The following DENND2B variants were observed in gnomAD, a reference collection of about 807,000 sequenced individuals.
DENND2B encodes the protein DENN domain-containing protein 2B.
Under a neutral mutation model 116.0 loss-of-function variants are expected in DENND2B, and 32 were observed. The observed-to-expected ratio is 0.28, with a 90% confidence interval of 0.21 to 0.37. DENND2B has a LOEUF of 0.37. DENND2B is among the 10% of genes least tolerant of loss of function. The pLI is 1.00. For synonymous variants in DENND2B, 588 were observed against 583.9 expected (o/e 1.01, Z -0.10); for missense variants, 1,276 against 1,477.7 (o/e 0.86, Z 2.24).
intron 2 of DENND2B, among the ~76,000 whole-genome samples, chr11:8,738,448 C>T (rs1427208246): frequency 2.0e-5 from 3 of 152,186 alleles, no homozygotes; most frequent in Non-Finnish European, 2.9e-5. Flanking sequence ...TCTAGAGAAA[C>T]TCATTCCAGA....
At chr11:8,733,653 G>C (rs2048478575) in intron 2 of DENND2B, among the ~76,000 whole-genome samples, 1 of 152,170 alleles carries the variant, frequency 6.6e-6, no homozygotes, top group African/African-American at 2.4e-5. Context: ...GCCCAGGAGA[G>C]AATTCACCAG....
At chr11:8,797,740 A>G (rs2059961189) in intron 1 of DENND2B, among the ~76,000 whole-genome samples, 1 of 151,904 alleles carries the variant, frequency 6.6e-6, no homozygotes, top group South Asian at 2.1e-4. Context: ...ATGAGCCACC[A>G]TGCCCAGCAC....
In DENND2B at chr11:8,740,504, T is replaced by A. The variant is rs374417704; in HGVS notation, c.81-9295A>T. ...CTTGGCATGCTCCAAGTTGCTCTGC[T>A]TTTTCTGGTTATAGGGCTACTACAA... On this transcript the variant is annotated intron_variant, in intron 2 of 19. Transcript: ENST00000313726. Among the ~76,000 whole-genome samples the A allele has an allele frequency of 3.9e-5, 6 of 152,252 alleles. No individual in the cohort carries two copies. In the South Asian group the frequency reaches 1.2e-3, roughly 32 times the overall value.
chr11:8,839,430 A>G (rs748585596), intron 3 of DENND2B: 5 of 152,128 alleles, frequency 3.3e-5, no homozygotes, highest in Non-Finnish European at 5.9e-5. Flanking sequence ...AAGGGCTTCA[A>G]ATAGGATCCC....
intron 1 of DENND2B, among the ~76,000 whole-genome samples, chr11:8,798,346 G>A (rs1320925648): frequency 1.3e-5 from 2 of 152,118 alleles, no homozygotes; most frequent in Admixed American, 6.5e-5. Flanking sequence ...TCACTCCTTC[G>A]CTTTCTCTAA....
intron 2 of DENND2B, among the ~76,000 whole-genome samples, chr11:8,869,487 C>T (rs533138749): frequency 6.6e-6 from 1 of 152,114 alleles, no homozygotes; most frequent in African/African-American, 2.4e-5. Flanking sequence ...ACATGGGGAA[C>T]CCCATCTCTA....
intron 5 of DENND2B, among the ~76,000 whole-genome samples, chr11:8,717,030 A>G (rs1164635703): frequency 6.6e-6 from 1 of 152,212 alleles, no homozygotes; most frequent in Non-Finnish European, 1.5e-5. Flanking sequence ...TATCTGGCCA[A>G]TGCTATATAA....
At chr11:8,761,006 C>T (rs1260167793) in intron 1 of DENND2B, among the ~76,000 whole-genome samples, 1 of 144,570 alleles carries the variant, frequency 6.9e-6, no homozygotes, top group East Asian at 2.0e-4. Flanking sequence ...TTCCCACATC[C>T]TCCTTCCCAA....
At chr11:8,767,544 C>T (rs1470052943) in intron 1 of DENND2B, among the ~76,000 whole-genome samples, 1 of 152,096 alleles carries the variant, frequency 6.6e-6, no homozygotes, top group African/African-American at 2.4e-5. Context: ...TCACAGTATT[C>T]CAGAACTTAA....
chr11:8,819,735 A>C (rs1479998704), intron 4 of DENND2B, among the ~76,000 whole-genome samples: 1 of 152,246 alleles, frequency 6.6e-6, no homozygotes, highest in Non-Finnish European at 1.5e-5. Flanking sequence ...CAGGGTCATG[A>C]AAGACAAGGA....
chr11:8,820,647 A>G (rs1031208582), intron 4 of DENND2B, among the ~76,000 whole-genome samples: 1 of 152,168 alleles, frequency 6.6e-6, no homozygotes, highest in Non-Finnish European at 1.5e-5. Flanking sequence ...AGGTTTCTCA[A>G]AACAACACTA....
At chr11:8,892,134 A>C (rs2134745025) in intron 1 of DENND2B, among the ~76,000 whole-genome samples, 1 of 152,314 alleles carries the variant, frequency 6.6e-6, no homozygotes, top group Non-Finnish European at 1.5e-5. Context: ...CCTGCTCCTG[A>C]AGGACTACTG....
rs748889142 is a variant in DENND2B, at chr11:8,697,591, G to C, written c.2986C>G (p.Leu996Val). The stretch of plus-strand genomic sequence containing the variant: ...TTCTTCCTCTCCAGAGCCTGCTCCA[G>C]AGCTGCCTGTAACTTCCTAGGTAAC... Reference protein sequence around the residue: ...TLLPRKLQAALEQALERKNEL... With the variant: ...TLLPRKLQAAVEQALERKNEL... Residue 996 changes from leucine (L) to valine (V), a missense_variant, in exon 17 of 20, where the codon CTG (leucine) becomes GTG (valine). Transcript: ENST00000313726. 1 of 1,614,234 alleles carries C rather than the reference G, an allele frequency of 6.2e-7. No homozygotes were observed. Among genetic ancestry groups the C allele is most frequent in the Non-Finnish European group, 8.5e-7 (1 of 1,180,018 alleles).
intron 2 of DENND2B, among the ~76,000 whole-genome samples, chr11:8,865,558 C>T (rs1368799079): frequency 6.6e-6 from 1 of 151,818 alleles, no homozygotes; most frequent in Non-Finnish European, 1.5e-5. Context: ...ACAGTCTGTA[C>T]ATTTGGTAGC....
intron 1 of DENND2B, among the ~76,000 whole-genome samples, chr11:8,805,446 T>C (rs1320860465): frequency 6.6e-6 from 1 of 152,222 alleles, no homozygotes; most frequent in Non-Finnish European, 1.5e-5. Flanking sequence ...AATAGCTGAC[T>C]TGATAGTTTT....
intron 4 of DENND2B, among the ~76,000 whole-genome samples, chr11:8,837,145 A>G (rs1271389804): frequency 1.3e-5 from 2 of 152,254 alleles, no homozygotes; most frequent in Admixed American, 6.5e-5. Flanking sequence ...TGGAACAAAA[A>G]AAAAAGTCTA....
chr11:8,823,844 A>G (rs974340305), intron 4 of DENND2B, among the ~76,000 whole-genome samples: 2 of 151,916 alleles, frequency 1.3e-5, no homozygotes, highest in Admixed American at 6.6e-5. Flanking sequence ...ATCATGGTAC[A>G]TGAACCCTTT....
intron 1 of DENND2B, among the ~76,000 whole-genome samples, chr11:8,902,887 C>A (rs1302887125): frequency 1.3e-5 from 2 of 152,154 alleles, no homozygotes; most frequent in Non-Finnish European, 1.5e-5. Flanking sequence ...ACATTATTAT[C>A]GAGATGGCTG....
chr11:8,905,075 C>T (rs569192072), intron 1 of DENND2B, among the ~76,000 whole-genome samples: 1 of 152,124 alleles, frequency 6.6e-6, no homozygotes, highest in African/African-American at 2.4e-5. Context: ...GAAATAATGA[C>T]TGTACTAGAA....
Sources: gnomAD v4.1 joint callset for allele counts (sites outside exome capture counted in the v4.1 genomes callset) on GRCh38, gnomAD v4.1.1 for gene constraint, MANE v1.5 for transcripts, NCBI Gene and HGNC (gene_info 2026-07-23, HGNC 2026-07-21) for gene names.